HMBOX1: variants seen among roughly 807,000 people sequenced by gnomAD.
The protein encoded by HMBOX1 is homeobox-containing protein 1.
Under a neutral mutation model 54.5 loss-of-function variants are expected in HMBOX1, and 14 were observed. The observed-to-expected ratio is 0.26, with a 90% confidence interval of 0.17 to 0.40. HMBOX1 has a LOEUF of 0.40. HMBOX1 is among the 10% of genes least tolerant of loss of function. The pLI, the probability that HMBOX1 is intolerant of heterozygous loss-of-function variation, is 1.00. For missense variants in HMBOX1, 332 were observed against 514.4 expected, an observed-to-expected ratio of 0.65 and a Z score of 3.43; for synonymous variants, 160 against 181.0, an observed-to-expected ratio of 0.88 and a Z score of 0.93.
At position 29,025,122 on chromosome 8, in the gene HMBOX1, T is replaced by C. The variant is rs187730542; in HGVS notation, c.851+6209T>C. Among the ~76,000 whole-genome samples the C allele has an allele frequency of 1.0e-3, 155 of 152,264 alleles. 1 individual carries two copies. Among genetic ancestry groups the C allele is most frequent in the Non-Finnish European group, 1.0e-4 (7 of 68,030 alleles). On this transcript the variant is annotated intron_variant, in intron 6 of 9. Transcript: ENST00000287701. ...ATGACTGCTGAGGGTCTAAGCTATA[T>C]TGTAAAAGCAAAAGGATAGAAAATG...
At position 29,051,825 on chromosome 8, in the gene HMBOX1, GAC is replaced by G. The variant is rs570219175; in HGVS notation, c.*671_*672del. The G allele has an allele frequency of 3.0e-4, 121 of 398,930 alleles. No individual in the cohort carries two copies. The highest frequency in any genetic ancestry group is 2.3e-3 in the African/African-American group (113 of 49,918). The allele number at this position is 398,930 out of a possible 1,614,324, so 24.7% of individuals were successfully genotyped here. A position where few individuals can be genotyped will look rare whatever the true frequency, so the allele number is the denominator to read the frequency against. On this transcript the variant is annotated 3_prime_UTR_variant, in exon 10 of 10. Transcript: ENST00000287701. Reference sequence around the variant, plus strand: ...CATCCTTTCCTCTCACAAGCTGTGTGACTTAGTAGATAAAATACTGCCTTCTG... The same window carrying G: ...CATCCTTTCCTCTCACAAGCTGTGTGTTAGTAGATAAAATACTGCCTTCTG...
At position 29,049,049 on chromosome 8, in the gene HMBOX1, G is replaced by C. The variant is rs1334037515; in HGVS notation, c.1125+1G>C. On this transcript the variant is annotated splice_donor_variant, in intron 9 of 9. Coordinates refer to ENST00000287701, the MANE Select transcript of HMBOX1 (RefSeq NM_001135726.3). LOFTEE classifies it high-confidence loss of function. The stretch of plus-strand genomic sequence containing the variant: ...CGACGGGAATGACTACTCTGAGCAG[G>C]TGAGCCCCTGCGCAGCTGGGCGAGG... The C allele has an allele frequency of 1.2e-6, 2 of 1,613,348 alleles. No individual in the cohort carries two copies. Among genetic ancestry groups the C allele is most frequent in the East Asian group, 2.2e-5 (1 of 44,860 alleles).
intron 6 of HMBOX1, among the ~76,000 whole-genome samples, chr8:29,029,729 G>C (rs1176983826): frequency 6.6e-6 from 1 of 152,210 alleles, no homozygotes; most frequent in Non-Finnish European, 1.5e-5. Flanking sequence ...CGTAAAATAT[G>C]ATTTGAAGAA....
chr8:29,018,515 A>G (rs370771664), intron 5 of HMBOX1, among the ~76,000 whole-genome samples: 1 of 152,338 alleles, frequency 6.6e-6, no homozygotes, highest in East Asian at 1.9e-4. Context: ...TCCTACCTGC[A>G]TAAATTCCTT....
At chr8:28,988,291 A>G (rs76355203) in intron 4 of HMBOX1, among the ~76,000 whole-genome samples, 4,694 of 152,326 alleles carry the variant, frequency 0.031, 256 homozygotes, top group African/African-American at 0.11. Context: ...ATACTAATCC[A>G]TTGAATGGAT....
chr8:28,922,471 T>C lies in HMBOX1; in HGVS notation c.-58+31793T>C, dbSNP rs1260945874. Among the ~76,000 whole-genome samples the C allele has an allele frequency of 2.0e-5, 3 of 152,352 alleles. No individual in the cohort carries two copies. In the East Asian group the frequency reaches 5.8e-4, roughly 29 times the overall value. On this transcript the variant is annotated intron_variant, in intron 1 of 9. Transcript: ENST00000287701. ...TTGAATTCTACTTTTTAAAGTACTT[T>C]TATCTTTGCAAAATCAAATCTGTGC...
chr8:28,976,474 C>T (rs1334883574), intron 3 of HMBOX1, among the ~76,000 whole-genome samples: 1 of 152,090 alleles, frequency 6.6e-6, no homozygotes, highest in Non-Finnish European at 1.5e-5. Context: ...CAGCATCCGC[C>T]TTCTGGTTTC....
intron 9 of HMBOX1, chr8:29,049,286 A>C: frequency 6.5e-7 from 1 of 1,536,120 alleles, no homozygotes; most frequent in Non-Finnish European, 8.7e-7. Flanking sequence ...TTGTCATACA[A>C]CAGGATACTT....
At chr8:28,898,721 G>A (rs1334625263) in intron 1 of HMBOX1, among the ~76,000 whole-genome samples, 1 of 152,110 alleles carries the variant, frequency 6.6e-6, no homozygotes, top group Non-Finnish European at 1.5e-5. Flanking sequence ...GATTTGATTT[G>A]CCATGGTGTT....
At chr8:28,997,603 G>A (rs1298661776) in intron 4 of HMBOX1, among the ~76,000 whole-genome samples, 2 of 152,160 alleles carry the variant, frequency 1.3e-5, no homozygotes, top group East Asian at 3.9e-4. Flanking sequence ...CTACAATGCA[G>A]TGGCACCATC....
At chr8:28,941,788 C>T (rs1821460715) in intron 1 of HMBOX1, among the ~76,000 whole-genome samples, 1 of 152,160 alleles carries the variant, frequency 6.6e-6, no homozygotes, top group African/African-American at 2.4e-5. Flanking sequence ...TTTTACTTCT[C>T]TACATACTAC....
rs183665356 is a variant in HMBOX1 at position 29,019,543 on chromosome 8, C to T, written c.851+630C>T. Among the ~76,000 whole-genome samples, 282 of 152,216 alleles carry T rather than the reference C, an allele frequency of 1.9e-3. 1 individual carries two copies. Among genetic ancestry groups the T allele is most frequent in the African/African-American group, 6.3e-3 (263 of 41,542 alleles). ...GTAGAATTATCTTTTTAGTCATCTA[C>T]TTGTAAGTGATGTTTACAGAATTTT... is the stretch of plus-strand genomic sequence containing the variant. On this transcript the variant is annotated intron_variant, in intron 6 of 9. Coordinates refer to ENST00000287701, the MANE Select transcript of HMBOX1 (RefSeq NM_001135726.3).
chr8:28,968,874 T>C (rs918762634), intron 2 of HMBOX1, among the ~76,000 whole-genome samples: 12 of 152,048 alleles, frequency 7.9e-5, no homozygotes, highest in Admixed American at 7.9e-4. Flanking sequence ...ACTCAGGTCT[T>C]ATAAGAAAGG....
intron 9 of HMBOX1, chr8:29,049,583 T>C: frequency 1.4e-6 from 1 of 714,848 alleles, no homozygotes; most frequent in Non-Finnish European, 2.1e-6. Flanking sequence ...GACACATGCA[T>C]CCTCTCATAA....
intron 7 of HMBOX1, among the ~76,000 whole-genome samples, chr8:29,046,784 T>C (rs1805622777): frequency 6.6e-6 from 1 of 152,146 alleles, no homozygotes; most frequent in Non-Finnish European, 1.5e-5. Flanking sequence ...AGTTGGAGGC[T>C]ACCCTGGGCA....
At chr8:28,905,230 T>G (rs1036546927) in intron 1 of HMBOX1, among the ~76,000 whole-genome samples, 5 of 152,094 alleles carry the variant, frequency 3.3e-5, no homozygotes, top group Non-Finnish European at 4.4e-5. Context: ...TGAAGGGTTT[T>G]TTGTTGTTGT....
chr8:28,978,737 A>T (rs1828846249), intron 3 of HMBOX1, among the ~76,000 whole-genome samples: 1 of 143,456 alleles, frequency 7.0e-6, no homozygotes, highest in African/African-American at 2.6e-5. Flanking sequence ...CAGTGAGCCG[A>T]GATTGCGCCA....
At chr8:28,902,678 G>A (rs1044071331) in intron 1 of HMBOX1, among the ~76,000 whole-genome samples, 2 of 152,294 alleles carry the variant, frequency 1.3e-5, no homozygotes, top group East Asian at 3.9e-4. Context: ...TCCCAAAAGA[G>A]AAAGGAAGTC....
At chr8:28,918,796 G>C (rs1817036886) in intron 1 of HMBOX1, among the ~76,000 whole-genome samples, 1 of 152,076 alleles carries the variant, frequency 6.6e-6, no homozygotes, top group African/African-American at 2.4e-5. Flanking sequence ...CAATAACATA[G>C]TCATTTTCTG....
Sources: allele counts gnomAD v4.1 joint callset (sites outside exome capture counted in the v4.1 genomes callset), GRCh38; gene constraint gnomAD v4.1.1; transcripts MANE v1.5; gene names NCBI Gene and HGNC (gene_info 2026-07-23, HGNC 2026-07-21).